DIP2C: variants seen among roughly 807,000 people sequenced by gnomAD.
DIP2C encodes DIP2 acetate--CoA ligase C (putative).
A neutral mutation model predicts 192.4 loss-of-function variants in DIP2C; 33 were observed. The observed-to-expected ratio is 0.17, with a 90% CI of 0.13 to 0.23. The LOEUF is 0.23. DIP2C is among the 10% of genes least tolerant of loss of function. The probability of loss-of-function intolerance (pLI) is 1.00; values close to 1 mark genes in which losing one functional copy is unlikely to be tolerated. For missense variants in DIP2C, 1,537 were observed against 2,110.1 expected, an observed-to-expected ratio of 0.73 and a Z score of 5.32; for synonymous variants, 979 against 864.1, an observed-to-expected ratio of 1.13 and a Z score of -2.33.
chr10:515,132 G>A (rs911429692), intron 1 of DIP2C, among the ~76,000 whole-genome samples: 5 of 152,046 alleles, frequency 3.3e-5, no homozygotes, highest in Non-Finnish European at 7.4e-5. Flanking sequence ...AAATGCCTCA[G>A]GGAAAAAAAT....
intron 1 of DIP2C, among the ~76,000 whole-genome samples, chr10:517,681 A>G (rs948710404): frequency 6.6e-6 from 1 of 152,222 alleles, no homozygotes; most frequent in African/African-American, 2.4e-5. Flanking sequence ...AACAAAATCA[A>G]TACCAGAAAC....
At chr10:296,946 G>A (rs1307792221) in intron 32 of DIP2C, among the ~76,000 whole-genome samples, 2 of 150,614 alleles carry the variant, frequency 1.3e-5, no homozygotes, top group Non-Finnish European at 3.0e-5. Context: ...TAAATGACGA[G>A]TTAATGGGTG....
At chr10:477,786 G>C (rs540415359) in intron 2 of DIP2C, among the ~76,000 whole-genome samples, 4 of 136,276 alleles carry the variant, frequency 2.9e-5, no homozygotes, top group Admixed American at 1.5e-4. Flanking sequence ...GAAGGAGAGA[G>C]AAAGAAGGGA....
intron 1 of DIP2C, among the ~76,000 whole-genome samples, chr10:603,105 A>G (rs1318133714): frequency 6.6e-6 from 1 of 152,032 alleles, no homozygotes; most frequent in Non-Finnish European, 1.5e-5. Context: ...TATCATATGT[A>G]AGTTCTGGCA....
intron 1 of DIP2C, among the ~76,000 whole-genome samples, chr10:552,033 G>C (rs994941788): frequency 3.3e-5 from 5 of 152,236 alleles, no homozygotes; most frequent in Admixed American, 3.3e-4. Context: ...GAGAGTGGTG[G>C]CTACAGCTTC....
At chr10:366,499 A>C in intron 18 of DIP2C, 88 bp from the exon 19 acceptor site, 1 of 1,574,624 alleles carries the variant, frequency 6.4e-7, no homozygotes, top group Non-Finnish European at 8.6e-7. Flanking sequence ...TATGAACGAC[A>C]CCAGTGAACA....
intron 1 of DIP2C, among the ~76,000 whole-genome samples, chr10:552,015 T>C (rs1848617624): frequency 6.6e-6 from 1 of 152,174 alleles, no homozygotes; most frequent in South Asian, 2.1e-4. Context: ...GCTTCTCAAG[T>C]CTCTTCTGAG....
intron 1 of DIP2C, among the ~76,000 whole-genome samples, chr10:546,352 T>TA (rs1420425197): frequency 6.6e-6 from 1 of 152,014 alleles, no homozygotes; most frequent in Non-Finnish European, 1.5e-5. Flanking sequence ...AGCACAGTCT[T>TA]AAAGAAAAAA....
chr10:497,102 C>T (rs745920122), intron 1 of DIP2C, among the ~76,000 whole-genome samples: 13 of 151,984 alleles, frequency 8.6e-5, no homozygotes, highest in Non-Finnish European at 1.2e-4. Context: ...CCAGCCTGGG[C>T]GACTAGAGCA....
chr10:373,013 C>CTT (rs906102692), intron 17 of DIP2C, among the ~76,000 whole-genome samples: 12 of 152,218 alleles, frequency 7.9e-5, no homozygotes, highest in Non-Finnish European at 1.8e-4. Context: ...TAAAACTCAC[C>CTT]ATAAGCCTAT....
At chr10:345,404 G>A (rs547817770) in intron 26 of DIP2C, among the ~76,000 whole-genome samples, 58 of 152,054 alleles carry the variant, frequency 3.8e-4, no homozygotes, top group Non-Finnish European at 3.4e-4. Flanking sequence ...CATTAGATCT[G>A]TTCTCCTGGA....
intron 31 of DIP2C, among the ~76,000 whole-genome samples, chr10:318,599 C>A (rs1956875071): frequency 6.6e-6 from 1 of 152,168 alleles, no homozygotes; most frequent in Admixed American, 6.5e-5. Flanking sequence ...CTCAAACTGC[C>A]AAAGGAGGTT....
At chr10:551,363 C>T (rs1848577074) in intron 1 of DIP2C, among the ~76,000 whole-genome samples, 1 of 152,226 alleles carries the variant, frequency 6.6e-6, no homozygotes, top group East Asian at 1.9e-4. Flanking sequence ...GCTTGGAGTT[C>T]CAAAGGCCAC....
chr10:586,224 TG>T (rs1407732154), intron 1 of DIP2C, among the ~76,000 whole-genome samples: 4 of 152,148 alleles, frequency 2.6e-5, no homozygotes, highest in Non-Finnish European at 5.9e-5. Flanking sequence ...GAAACACACA[TG>T]GGAAGGCCCT....
At chr10:327,213 C>A (rs190768791) in intron 30 of DIP2C, 37 bp from the exon 31 acceptor site, 2 of 1,597,554 alleles carry the variant, frequency 1.3e-6, no homozygotes, top group African/African-American at 1.3e-5. Flanking sequence ...TCAGCCCCCA[C>A]GTGTCGAGCT....
intron 1 of DIP2C, among the ~76,000 whole-genome samples, chr10:510,468 C>T (rs1227462548): frequency 3.3e-5 from 5 of 152,244 alleles, no homozygotes; most frequent in South Asian, 2.1e-4. Flanking sequence ...GGACCAGCAA[C>T]GCTCTTTCCC....
rs202068774 is a variant in DIP2C at position 378,524 on chromosome 10, T to G, written c.1991+4123A>C. Among the ~76,000 whole-genome samples the G allele has an allele frequency of 6.2e-3, 925 of 148,538 alleles. 4 individuals are homozygous for G. Among genetic ancestry groups the G allele is most frequent in the Middle Eastern group, 0.015 (4 of 274 alleles). ...ATGCATAAAGACACGTGAACACACA[T>G]GCACAAAGACACATGTGAACACATG... On this transcript the variant is annotated intron_variant, in intron 17 of 36. Transcript: ENST00000280886.
chr10:499,066 A>G (rs1845049092), intron 1 of DIP2C, among the ~76,000 whole-genome samples: 1 of 152,128 alleles, frequency 6.6e-6, no homozygotes, highest in Admixed American at 6.5e-5. Context: ...CTTCAGTCCT[A>G]TTATTTTGTT....
chr10:390,711 T>A (rs762665203), intron 11 of DIP2C, 29 bp downstream of exon 11: 12 of 1,605,772 alleles, frequency 7.5e-6, no homozygotes, highest in Non-Finnish European at 1.0e-5. Context: ...GACGTGGGCA[T>A]GCGAGCTCTC....
Sources: gnomAD v4.1 joint callset for allele counts (sites outside exome capture counted in the v4.1 genomes callset) on GRCh38, gnomAD v4.1.1 for gene constraint, MANE v1.5 for transcripts, NCBI Gene and HGNC (gene_info 2026-07-23, HGNC 2026-07-21) for gene names.